DMD: variants seen among roughly 807,000 people sequenced by gnomAD.
DMD encodes the protein dystrophin.
DMD carries 63 observed loss-of-function variants against 330.1 expected under a neutral mutation model. The ratio of observed to expected loss-of-function variants is 0.19; its 90% CI spans 0.16 to 0.24. The LOEUF (loss-of-function observed/expected upper bound fraction) is 0.24. Among genes scored for constraint, DMD ranks in the 10% least tolerant of loss-of-function variants. The pLI, the probability that DMD is intolerant of heterozygous loss-of-function variation, is 1.00. For synonymous variants in DMD, 1,223 were observed against 959.8 expected (o/e 1.27, Z -5.07); for missense variants, 3,344 against 2,684.1 (o/e 1.25, Z -5.43).
chrX:32,731,858 T>A (rs923986347), intron 7 of DMD, among the ~76,000 whole-genome samples: 1 of 111,696 alleles, frequency 9.0e-6, no homozygotes, highest in East Asian at 2.8e-4. Context: ...AGAGCACCTC[T>A]CCTCCTCCAA....
At chrX:32,810,973 C>T (rs1324718736) in intron 6 of DMD, among the ~76,000 whole-genome samples, 2 of 110,573 alleles carry the variant, frequency 1.8e-5, no homozygotes, top group Non-Finnish European at 3.8e-5. Flanking sequence ...CACTCCTTTA[C>T]TTCCATTGGG....
intron 9 of DMD, among the ~76,000 whole-genome samples, chrX:32,666,122 G>C (rs1183931131): frequency 9.0e-6 from 1 of 110,894 alleles, no homozygotes; most frequent in Non-Finnish European, 1.9e-5. Flanking sequence ...TATGATCTTA[G>C]AGTGTATTGG....
rs184573774 is a variant in DMD at position 32,717,476 on chromosome X, C to T, written c.650-18183G>A. Among the ~76,000 whole-genome samples, 228 of 111,784 alleles carry T rather than the reference C, an allele frequency of 2.0e-3. 2 individuals carry two copies. Among genetic ancestry groups the T allele is most frequent in the African/African-American group, 7.0e-3 (217 of 30,781 alleles). On this transcript the variant is annotated intron_variant, in intron 7 of 78. Transcript: ENST00000357033. Reference sequence around the variant, plus strand: ...GAGAGTTGAGGCTTGAGAGCATCCACCTAGATTTCAGAGAATGTGTGGAAA... The same window carrying T: ...GAGAGTTGAGGCTTGAGAGCATCCATCTAGATTTCAGAGAATGTGTGGAAA...
At chrX:31,187,781 GAGAGAGAA>G (rs2041945926) in intron 67 of DMD, among the ~76,000 whole-genome samples, 1 of 83,590 alleles carries the variant, frequency 1.2e-5, no homozygotes, top group Non-Finnish European at 2.4e-5. Flanking sequence ...GAGAGAGAGA[GAGAGAGAA>G]CAAGCAAGAG....
intron 16 of DMD, among the ~76,000 whole-genome samples, chrX:32,559,231 G>A (rs998217744): frequency 7.2e-5 from 8 of 110,520 alleles, no homozygotes; most frequent in African/African-American, 2.3e-4. Context: ...GGGATTACAA[G>A]TGTGAGCCAC....
intron 43 of DMD, among the ~76,000 whole-genome samples, chrX:32,266,737 T>A (rs920868835): frequency 8.9e-6 from 1 of 112,253 alleles, no homozygotes; most frequent in Admixed American, 9.5e-5. Context: ...TCTGTCTTTT[T>A]ATTTTTGATT....
chrX:31,579,359 C>G (rs1383393512), intron 55 of DMD, among the ~76,000 whole-genome samples: 1 of 112,137 alleles, frequency 8.9e-6, no homozygotes, highest in Non-Finnish European at 1.9e-5. Context: ...TTCGCTAGAG[C>G]CATACTGAAT....
chrX:33,066,937 G>A (rs1398026782), intron 1 of DMD, among the ~76,000 whole-genome samples: 3 of 112,010 alleles, frequency 2.7e-5, no homozygotes, highest in South Asian at 3.7e-4. Context: ...AAAAGTCACG[G>A]AGTAAATTAT....
chrX:31,287,737 A>C (rs905355142), intron 62 of DMD, among the ~76,000 whole-genome samples: 3 of 112,490 alleles, frequency 2.7e-5, no homozygotes, highest in African/African-American at 9.7e-5. Context: ...CATGCTAGTT[A>C]TAGGCATTTA....
chrX:31,643,847 T>A (rs749893214), intron 54 of DMD, among the ~76,000 whole-genome samples: 51 of 111,897 alleles, frequency 4.6e-4, no homozygotes, highest in Non-Finnish European at 7.7e-4. Flanking sequence ...GAATGTGGAC[T>A]CATATATATG....
At chrX:32,550,172 A>G (rs868598192) in intron 16 of DMD, among the ~76,000 whole-genome samples, 1 of 108,248 alleles carries the variant, frequency 9.2e-6, no homozygotes, top group Non-Finnish European at 1.9e-5. Flanking sequence ...GCACAATGGT[A>G]AGTATTTGTG....
chrX:32,142,762 T>G (rs886178910), intron 44 of DMD, among the ~76,000 whole-genome samples: 2 of 112,472 alleles, frequency 1.8e-5, no homozygotes, highest in African/African-American at 6.5e-5. Flanking sequence ...TGTGCATGCT[T>G]GTTAGAATAG....
chrX:32,129,939 A>C (rs1462075650), intron 44 of DMD, among the ~76,000 whole-genome samples: 2 of 109,251 alleles, frequency 1.8e-5, no homozygotes, highest in African/African-American at 6.7e-5. Context: ...ACCAAAGGAG[A>C]ATCTTTTCTT....
intron 21 of DMD, among the ~76,000 whole-genome samples, chrX:32,481,494 T>C (rs2041893773): frequency 8.9e-6 from 1 of 111,959 alleles, no homozygotes; most frequent in Non-Finnish European, 1.9e-5. Flanking sequence ...AAACCTGTTA[T>C]AGAAGTTCTA....
At chrX:32,357,604 G>A (rs1379990506) in intron 37 of DMD, among the ~76,000 whole-genome samples, 2 of 108,398 alleles carry the variant, frequency 1.8e-5, no homozygotes, top group African/African-American at 3.4e-5. Context: ...TCATTATTCA[G>A]TGGAATTCTC....
At chrX:33,028,695 T>C (rs1192046340) in intron 1 of DMD, among the ~76,000 whole-genome samples, 1 of 112,597 alleles carries the variant, frequency 8.9e-6, no homozygotes. Flanking sequence ...GCATAACTTA[T>C]CAATCAATCC....
At chrX:31,915,087 C>T (rs2094592674) in intron 47 of DMD, among the ~76,000 whole-genome samples, 1 of 112,360 alleles carries the variant, frequency 8.9e-6, no homozygotes, top group Admixed American at 9.4e-5. Context: ...GATAGCATAA[C>T]TTTCACTTTA....
chrX:33,173,355 T>C (rs185571006), intron 1 of DMD, among the ~76,000 whole-genome samples: 3 of 111,966 alleles, frequency 2.7e-5, no homozygotes, highest in Admixed American at 1.9e-4. Flanking sequence ...GCTAAATGGC[T>C]ATGATGTTTA....
intron 44 of DMD, among the ~76,000 whole-genome samples, chrX:32,139,192 T>A (rs779008672): frequency 7.1e-5 from 8 of 112,490 alleles, no homozygotes; most frequent in Non-Finnish European, 1.5e-4. Flanking sequence ...TTTGCTAAAC[T>A]GGGCTGTTCT....
Sources: allele counts gnomAD v4.1 joint callset (sites outside exome capture counted in the v4.1 genomes callset), GRCh38; gene constraint gnomAD v4.1.1; transcripts MANE v1.5; gene names NCBI Gene and HGNC (gene_info 2026-07-23, HGNC 2026-07-21).